MACO1: variants seen among roughly 807,000 people sequenced by gnomAD.
MACO1 encodes macoilin.
MACO1 carries 14 observed loss-of-function variants against 78.7 expected under a neutral mutation model. The observed-to-expected ratio is 0.18, with a 90% CI of 0.12 to 0.28. The LOEUF is 0.28. MACO1 is among the 10% of genes least tolerant of loss of function. The pLI is 1.00. For synonymous variants in MACO1, 288 were observed against 291.6 expected (o/e 0.99, Z 0.12); for missense variants, 501 against 799.0 (o/e 0.63, Z 4.50).
At chr1:25,435,912 A>G (rs2042915544) in intron 1 of MACO1, among the ~76,000 whole-genome samples, 1 of 152,214 alleles carries the variant, frequency 6.6e-6, no homozygotes, top group Non-Finnish European at 1.5e-5. Context: ...TCCAACTTTC[A>G]TTATGATTCT....
chr1:25,452,404 C>T (rs574542542), intron 3 of MACO1, among the ~76,000 whole-genome samples: 1 of 152,262 alleles, frequency 6.6e-6, no homozygotes, highest in South Asian at 2.1e-4. Context: ...TATTTTGTTG[C>T]AAGTTGCTTT....
At chr1:25,455,040 C>G (rs1159943706) in intron 4 of MACO1, among the ~76,000 whole-genome samples, 2 of 152,136 alleles carry the variant, frequency 1.3e-5, no homozygotes, top group African/African-American at 4.8e-5. Context: ...TGAAGTGATA[C>G]ATGTATTCAA....
chr1:25,464,338 C>CTTTTTTTT (rs71014363), intron 6 of MACO1, among the ~76,000 whole-genome samples: 4 of 80,990 alleles, frequency 4.9e-5, no homozygotes, highest in Non-Finnish European at 6.7e-5. Context: ...TTTTTCTTCT[C>CTTTTTTTT]TTTTTTTTTT....
At chr1:25,476,527 T>G (rs2043322914) in intron 6 of MACO1, among the ~76,000 whole-genome samples, 1 of 152,234 alleles carries the variant, frequency 6.6e-6, no homozygotes, top group African/African-American at 2.4e-5. Flanking sequence ...AAATACATTT[T>G]TCTGTGAATG....
At chr1:25,476,857 G>A (rs1371742387) in intron 6 of MACO1, among the ~76,000 whole-genome samples, 1 of 152,166 alleles carries the variant, frequency 6.6e-6, no homozygotes, top group Non-Finnish European at 1.5e-5. Flanking sequence ...TTAAAAATCA[G>A]ATGGTCTGCT....
In MACO1 at chr1:25,458,418, C is replaced by A; in HGVS notation, c.680C>A (p.Ser227Tyr). 6.3e-7 allele frequency: 1 copy of A among 1,599,626 alleles called. No individual in the cohort carries two copies. The highest frequency in any genetic ancestry group is 8.5e-7 in the Non-Finnish European group (1 of 1,176,100). ...EAAKGLPDMD[S>Y]SILIHHNGGI... ...GCCAAAGGATTACCTGATATGGATT[C>A]TTCGATCCTTATACACCACAATGGA... is the stretch of plus-strand genomic sequence containing the variant. Residue 227 changes from serine (S) to tyrosine (Y), a missense_variant, in exon 6 of 11, where the codon TCT becomes TAT. Physicochemically the swap from Ser to Tyr is moderately radical, Grantham distance 144. Transcript: ENST00000374343.
chr1:25,458,904 T>C lies in MACO1; in HGVS notation c.1154+12T>C, dbSNP rs778062782. The C allele has an allele frequency of 9.4e-6, 15 of 1,601,928 alleles. No homozygotes were observed. In the East Asian group the frequency reaches 1.1e-4, roughly 12 times the overall value. On this transcript the variant is annotated intron_variant, in intron 6 of 10. Transcript: ENST00000374343. ...GACGCACTGGTCAGGTAAGTGCACA[T>C]GCTGCATCCTTACTAACACTTTCCA...
At chr1:25,495,715 G>C (rs1052529113) in intron 10 of MACO1, among the ~76,000 whole-genome samples, 5 of 152,184 alleles carry the variant, frequency 3.3e-5, no homozygotes, top group Non-Finnish European at 7.3e-5. Context: ...TGTAATACCA[G>C]CACTTTGGGA....
Position 25,432,685 on chromosome 1 carries a change from G to A in MACO1, c.80+1507G>A, listed in dbSNP as rs1035241869. 2.0e-5 allele frequency among the ~76,000 whole-genome samples: 3 copies of A among 152,270 alleles called. No homozygotes were observed. The East Asian group carries it at 5.8e-4, about 29-fold the overall frequency. ...CCCCTTTGGCTATTGAAAAATATTT[G>A]ACCAACTTAACATTAATGGTAACAT... On this transcript the variant is annotated intron_variant, in intron 1 of 10. Transcript: ENST00000374343.
At chr1:25,474,808 G>A (rs1035046184) in intron 6 of MACO1, among the ~76,000 whole-genome samples, 1 of 152,166 alleles carries the variant, frequency 6.6e-6, no homozygotes, top group African/African-American at 2.4e-5. Flanking sequence ...CTTCACAGAC[G>A]ACACAGGGTT....
intron 10 of MACO1, among the ~76,000 whole-genome samples, chr1:25,494,560 G>A (rs906420465): frequency 5.3e-5 from 8 of 152,250 alleles, no homozygotes; most frequent in Middle Eastern, 3.4e-3. Flanking sequence ...ACTGTTAAGC[G>A]GGAAATCTCC....
intron 1 of MACO1, among the ~76,000 whole-genome samples, chr1:25,437,599 C>T (rs570727383): frequency 1.6e-4 from 24 of 152,208 alleles, no homozygotes; most frequent in African/African-American, 5.5e-4. Flanking sequence ...AAGAGAGATA[C>T]TGTCTGAGGC....
intron 1 of MACO1, among the ~76,000 whole-genome samples, chr1:25,443,954 T>A (rs1216172917): frequency 2.1e-5 from 3 of 142,506 alleles, no homozygotes; most frequent in Non-Finnish European, 4.7e-5. Flanking sequence ...TTTTTTTTTT[T>A]AAGAGATGGT....
At chr1:25,450,145 C>T (rs573255240) in intron 3 of MACO1, among the ~76,000 whole-genome samples, 8 of 152,328 alleles carry the variant, frequency 5.3e-5, no homozygotes, top group Admixed American at 2.0e-4. Flanking sequence ...CTCCCTTCCA[C>T]GTTAACATTT....
Position 25,485,889 on chromosome 1 carries a change from A to T in MACO1, c.1496+94A>T. The T allele has an allele frequency of 7.4e-7, 1 of 1,354,882 alleles. No individual in the cohort carries two copies. Among genetic ancestry groups the T allele is most frequent in the Non-Finnish European group, 1.0e-6 (1 of 981,612 alleles). The allele number at this position is 1,354,882 out of a possible 1,614,324, so 83.9% of individuals were successfully genotyped here. A position where few individuals can be genotyped will look rare whatever the true frequency, so the allele number is the denominator to read the frequency against. ...TGGTGCCTTGGGCAGGATTGGACGT[A>T]CAGCAATCATGCACGGATGGATTGC... On this transcript the variant is annotated intron_variant, in intron 8 of 10. Transcript: ENST00000374343. The surrounding 1 kb of genome is among the most constrained non-coding windows in gnomAD (Gnocchi z 4.3).
At chr1:25,486,255 T>C (rs554703241) in intron 8 of MACO1, among the ~76,000 whole-genome samples, 195 of 152,172 alleles carry the variant, frequency 1.3e-3, no homozygotes, top group Non-Finnish European at 2.5e-3. Flanking sequence ...TACTGGCTGC[T>C]CAAATGGATA....
intron 1 of MACO1, among the ~76,000 whole-genome samples, chr1:25,435,413 A>G (rs748229132): frequency 1.3e-5 from 2 of 152,182 alleles, no homozygotes; most frequent in Non-Finnish European, 2.9e-5. Context: ...GGGGCTCCTC[A>G]AAAGTGACTT....
intron 3 of MACO1, among the ~76,000 whole-genome samples, chr1:25,451,785 A>G (rs984422359): frequency 6.6e-6 from 1 of 152,018 alleles, no homozygotes; most frequent in Admixed American, 6.6e-5. Flanking sequence ...GTGTGCCTGT[A>G]ATCCCAGCTG....
chr1:25,475,339 G>C (rs145739947), intron 6 of MACO1, among the ~76,000 whole-genome samples: 1 of 151,824 alleles, frequency 6.6e-6, no homozygotes, highest in Non-Finnish European at 1.5e-5. Context: ...AGCGAGACTC[G>C]GTCTCAAAAA....
Sources: gnomAD v4.1 joint callset for allele counts (sites outside exome capture counted in the v4.1 genomes callset) on GRCh38, gnomAD v4.1.1 for gene constraint, Gnocchi (gnomAD v3.1) non-coding constraint, MANE v1.5 for transcripts, NCBI Gene and HGNC (gene_info 2026-07-23, HGNC 2026-07-21) for gene names.